Variants in BARX2 observed in about 807,000 individuals in gnomAD.
BARX2 encodes the protein homeobox protein BarH-like 2.
A neutral mutation model predicts 25.5 loss-of-function variants in BARX2; 11 were observed. The observed-to-expected ratio is 0.43, with a 90% CI of 0.27 to 0.71. The LOEUF (loss-of-function observed/expected upper bound fraction) is 0.71, where lower values mean the gene tolerates loss of function less well. Ranked by LOEUF, BARX2 falls within the 30% of genes least tolerant of loss-of-function variation. BARX2 has a pLI of 0.19. For missense variants in BARX2, 360 were observed against 359.9 expected (o/e 1.00, Z 0.00); for synonymous variants, 137 against 149.5 (o/e 0.92, Z 0.61).
At chr11:129,396,981 GAAAACC>G (rs1440982071) in intron 1 of BARX2, among the ~76,000 whole-genome samples, 1 of 152,090 alleles carries the variant, frequency 6.6e-6, no homozygotes, top group Non-Finnish European at 1.5e-5. Flanking sequence ...AGAATAACTA[GAAAACC>G]TTTAAAAACT....
At position 129,390,167 on chromosome 11, in the gene BARX2, G is replaced by T. The variant is rs1417686026; in HGVS notation, c.187+13945G>T. The stretch of plus-strand genomic sequence containing the variant: ...TCACCTTCTATGGTGCAAAGGCATC[G>T]CCAGTGAACAGGGTGATGCCTCTGT... On this transcript the variant is annotated intron_variant, in intron 1 of 3. Transcript: ENST00000281437. The surrounding 1 kb of genome is among the most constrained non-coding windows in gnomAD (Gnocchi z 4.3). Among the ~76,000 whole-genome samples, 3 of 152,154 alleles carry T rather than the reference G, an allele frequency of 2.0e-5. No homozygotes were observed. The highest frequency in any genetic ancestry group is 4.4e-5 in the Non-Finnish European group (3 of 68,028).
chr11:129,451,080 A>G (rs1037270891), intron 3 of BARX2, 56 bp from the exon 4 acceptor site: 118 of 1,579,834 alleles, frequency 7.5e-5, no homozygotes, highest in Non-Finnish European at 9.9e-5. Flanking sequence ...TGGGAGTGGA[A>G]AGGTGGAGGG....
At chr11:129,385,490 A>G (rs1861608512) in intron 1 of BARX2, among the ~76,000 whole-genome samples, 1 of 152,252 alleles carries the variant, frequency 6.6e-6, no homozygotes, top group South Asian at 2.1e-4. Flanking sequence ...ATACACTTGT[A>G]TTAATATGGA....
intron 1 of BARX2, among the ~76,000 whole-genome samples, chr11:129,379,599 G>A (rs914754733): frequency 6.6e-6 from 1 of 152,110 alleles, no homozygotes; most frequent in Non-Finnish European, 1.5e-5. Context: ...ATAGTTTGTG[G>A]AAGCATCGGC....
At chr11:129,411,425 A>AAAT (rs1226476378) in intron 1 of BARX2, among the ~76,000 whole-genome samples, 1 of 152,100 alleles carries the variant, frequency 6.6e-6, no homozygotes. Flanking sequence ...ATATTACTGA[A>AAAT]AATAATACGG....
Position 129,390,263 on chromosome 11 carries a change from G to A in BARX2, c.187+14041G>A, listed in dbSNP as rs982731997. The stretch of plus-strand genomic sequence containing the variant: ...TCATCCAGGTTCTGTGGTGGGTGGG[G>A]GCCAAGTGGGATAAGACAGGTGGAT... On this transcript the variant is annotated intron_variant, in intron 1 of 3. Coordinates refer to ENST00000281437, the MANE Select transcript of BARX2 (RefSeq NM_003658.5). The surrounding 1 kb of genome is among the most constrained non-coding windows in gnomAD (Gnocchi z 4.3). Among the ~76,000 whole-genome samples the A allele has an allele frequency of 6.6e-6, 1 of 152,086 alleles. No individual in the cohort carries two copies. The highest frequency in any genetic ancestry group is 2.4e-5 in the African/African-American group (1 of 41,410).
chr11:129,435,068 G>T (rs1231496056), intron 1 of BARX2, among the ~76,000 whole-genome samples: 1 of 152,202 alleles, frequency 6.6e-6, no homozygotes, highest in Non-Finnish European at 1.5e-5. Context: ...GGTGATTTAA[G>T]ATGAGAAACA....
intron 1 of BARX2, among the ~76,000 whole-genome samples, chr11:129,431,344 T>G (rs1862127136): frequency 6.6e-6 from 1 of 152,250 alleles, no homozygotes; most frequent in Non-Finnish European, 1.5e-5. Flanking sequence ...TGGTAAGCGT[T>G]TGTTTAACTT....
intron 3 of BARX2, 67 bp from the exon 4 acceptor site, chr11:129,451,069 C>G (rs890102707): frequency 2.8e-5 from 44 of 1,562,142 alleles, no homozygotes; most frequent in Non-Finnish European, 3.7e-5. Context: ...TGAGGTTATA[C>G]TGGGAGTGGA....
chr11:129,376,159 C>T lies in BARX2; in HGVS notation c.124C>T (p.Leu42Phe), dbSNP rs1336029276. The change falls in exon 1 of 4, where the codon CTT becomes TTT. Residue 42 changes from leucine (L) to phenylalanine (F), a missense_variant. Physicochemically the swap from Leu to Phe is conservative, Grantham distance 22 (BLOSUM62 0). Coordinates refer to ENST00000281437, the MANE Select transcript of BARX2 (RefSeq NM_003658.5). This position sits in a 1 kb window ranked among gnomAD's most constrained non-coding sequence, Gnocchi z 4.2. The part of the protein sequence containing the change: ...SKETCDYFEK[L>F]SLYSVCPSLV... ...GGAGACCTGCGATTACTTTGAGAAA[C>T]TTTCCCTCTACTCCGTGTGCCCGTC... 6.2e-7 allele frequency: 1 copy of T among 1,613,674 alleles called. No individual in the cohort carries two copies. The highest frequency in any genetic ancestry group is 1.1e-5 in the South Asian group (1 of 91,028).
intron 1 of BARX2, among the ~76,000 whole-genome samples, chr11:129,422,235 G>T (rs911623247): frequency 6.6e-6 from 1 of 152,106 alleles, no homozygotes; most frequent in Non-Finnish European, 1.5e-5. Context: ...TGCCATCCTG[G>T]CTAGACCCTA....
intron 1 of BARX2, among the ~76,000 whole-genome samples, chr11:129,415,287 A>G (rs373773794): frequency 8.5e-5 from 13 of 152,122 alleles, no homozygotes; most frequent in Admixed American, 2.6e-4. Context: ...GTTCTCTATG[A>G]CTTCATTGTA....
At position 129,376,357 on chromosome 11, in the gene BARX2, G is replaced by C; in HGVS notation, c.187+135G>C. 1.0e-6 allele frequency: 1 copy of C among 952,788 alleles called. No homozygotes were observed. Among genetic ancestry groups the C allele is most frequent in the African/African-American group, 1.7e-5 (1 of 58,670 alleles). The allele number at this position is 952,788 out of a possible 1,614,324, so 59.0% of individuals were successfully genotyped here. The stretch of plus-strand genomic sequence containing the variant: ...TTTTCCTGCGCCTCAGCAAGCGGTG[G>C]GCATTGCAAAGGCATCTGCGACGTG... On this transcript the variant is annotated intron_variant, in intron 1 of 3. Coordinates refer to ENST00000281437, the MANE Select transcript of BARX2 (RefSeq NM_003658.5). This position sits in a 1 kb window ranked among gnomAD's most constrained non-coding sequence, Gnocchi z 4.2.
At chr11:129,406,218 A>G (rs1005246025) in intron 1 of BARX2, among the ~76,000 whole-genome samples, 6 of 152,258 alleles carry the variant, frequency 3.9e-5, no homozygotes, top group African/African-American at 9.6e-5. Context: ...GGAGCTCTTC[A>G]TTCATAAAAG....
At chr11:129,403,752 A>G (rs545164291) in intron 1 of BARX2, among the ~76,000 whole-genome samples, 1 of 152,296 alleles carries the variant, frequency 6.6e-6, no homozygotes, top group Admixed American at 6.5e-5. Context: ...ACAGGATCTC[A>G]TTCTGTTGCC....
chr11:129,435,560 T>G (rs895459659), intron 1 of BARX2, among the ~76,000 whole-genome samples: 1 of 152,198 alleles, frequency 6.6e-6, no homozygotes, highest in African/African-American at 2.4e-5. Context: ...AAGTCACTTT[T>G]CAGGGCTGGA....
intron 2 of BARX2, among the ~76,000 whole-genome samples, chr11:129,439,175 A>AGACG (rs1862227273): frequency 6.6e-6 from 1 of 152,186 alleles, no homozygotes; most frequent in Non-Finnish European, 1.5e-5. Flanking sequence ...GAGAGGCCAG[A>AGACG]GACGGAGCAG....
chr11:129,424,175 C>T (rs954200103), intron 1 of BARX2, among the ~76,000 whole-genome samples: 1 of 152,186 alleles, frequency 6.6e-6, no homozygotes, highest in Non-Finnish European at 1.5e-5. Flanking sequence ...AATCTTTCTT[C>T]TTGGGAGATG....
chr11:129,410,580 A>C (rs1861876157), intron 1 of BARX2, among the ~76,000 whole-genome samples: 1 of 152,170 alleles, frequency 6.6e-6, no homozygotes, highest in Non-Finnish European at 1.5e-5. Context: ...CTGTGTGTAC[A>C]TGAATGAATA....
Sources: allele counts gnomAD v4.1 joint callset (sites outside exome capture counted in the v4.1 genomes callset), GRCh38; gene constraint gnomAD v4.1.1; non-coding constraint Gnocchi (gnomAD v3.1); transcripts MANE v1.5; gene names NCBI Gene and HGNC (gene_info 2026-07-23, HGNC 2026-07-21).